Variants in AGBL1 observed in about 807,000 individuals in gnomAD.
The protein encoded by AGBL1 is AGBL carboxypeptidase 1.
A neutral mutation model predicts 118.9 loss-of-function variants in AGBL1; 130 were observed. That is an observed-to-expected ratio of 1.09 (90% CI 0.95 to 1.26). The LOEUF is 1.26. AGBL1 is among the 50% of genes most tolerant of loss of function. The pLI is 0.00. For synonymous variants in AGBL1, 555 were observed against 478.9 expected (o/e 1.16, Z -2.08); for missense variants, 1,584 against 1,298.1 (o/e 1.22, Z -3.38).
At chr15:86,875,431 G>C (rs1316715303) in intron 22 of AGBL1, among the ~76,000 whole-genome samples, 1 of 152,148 alleles carries the variant, frequency 6.6e-6, no homozygotes, top group African/African-American at 2.4e-5. Context: ...CTTTTTACTA[G>C]AAGATTCCAT....
chr15:86,863,973 A>T (rs1210735182), intron 22 of AGBL1, among the ~76,000 whole-genome samples: 1 of 152,216 alleles, frequency 6.6e-6, no homozygotes, highest in Non-Finnish European at 1.5e-5. Flanking sequence ...GGTTTCAACA[A>T]AAGGTAATTG....
At chr15:86,270,737 T>G (rs867019118) in intron 14 of AGBL1, among the ~76,000 whole-genome samples, 30 of 152,328 alleles carry the variant, frequency 2.0e-4, no homozygotes, top group Middle Eastern at 3.4e-3. Flanking sequence ...ATATGAACCT[T>G]GACATTTATA....
chr15:86,450,941 G>C (rs1319965735), intron 18 of AGBL1, among the ~76,000 whole-genome samples: 1 of 151,862 alleles, frequency 6.6e-6, no homozygotes, highest in African/African-American at 2.4e-5. Flanking sequence ...CTATTTATAG[G>C]TTTATGTTGA....
chr15:86,346,067 C>T (rs528452728), intron 17 of AGBL1, among the ~76,000 whole-genome samples: 1 of 151,236 alleles, frequency 6.6e-6, no homozygotes, highest in South Asian at 2.1e-4. Flanking sequence ...ACTGCAACCA[C>T]TGCCTCCTGG....
chr15:86,822,763 A>G (rs1309841613), intron 22 of AGBL1, among the ~76,000 whole-genome samples: 1 of 152,110 alleles, frequency 6.6e-6, no homozygotes, highest in Non-Finnish European at 1.5e-5. Flanking sequence ...GCAAGACAAG[A>G]TAGTGGATTC....
intron 14 of AGBL1, among the ~76,000 whole-genome samples, chr15:86,270,277 T>C (rs945785219): frequency 6.6e-6 from 1 of 152,160 alleles, no homozygotes; most frequent in Admixed American, 6.5e-5. Context: ...TGCCACACAT[T>C]GACATCCACT....
intron 5 of AGBL1, among the ~76,000 whole-genome samples, chr15:86,181,597 TGTG>T (rs1264835055): frequency 1.3e-5 from 2 of 151,958 alleles, no homozygotes; most frequent in East Asian, 3.8e-4. Context: ...TTATCTAGAT[TGTG>T]GTGATGTTTC....
chr15:86,556,399 G>T, intron 21 of AGBL1: 1 of 872,078 alleles, frequency 1.1e-6, no homozygotes, highest in Non-Finnish European at 1.8e-6. Context: ...TGCCAGACCT[G>T]GTTTTGGTTT....
chr15:86,837,272 C>T (rs566926996), intron 22 of AGBL1, among the ~76,000 whole-genome samples: 8 of 150,856 alleles, frequency 5.3e-5, no homozygotes, highest in African/African-American at 1.9e-4. Context: ...ACTAAGCCTT[C>T]CAAGAAACCA....
chr15:86,926,633 C>G (rs1179742830), intron 23 of AGBL1, among the ~76,000 whole-genome samples: 2 of 152,146 alleles, frequency 1.3e-5, no homozygotes, highest in Non-Finnish European at 2.9e-5. Context: ...CTTAACAAGC[C>G]AATTCGATTT....
chr15:86,080,568 C>G (rs148220953), intron 1 of AGBL1, among the ~76,000 whole-genome samples: 41 of 152,318 alleles, frequency 2.7e-4, no homozygotes, highest in African/African-American at 9.4e-4. Context: ...AGGGCAGTAG[C>G]CTGGGAAACT....
At chr15:86,458,544 T>C (rs2082289883) in intron 18 of AGBL1, among the ~76,000 whole-genome samples, 1 of 152,188 alleles carries the variant, frequency 6.6e-6, no homozygotes, top group South Asian at 2.1e-4. Context: ...TTTTAGTGAA[T>C]TGGGAACAAA....
At chr15:86,741,999 G>C (rs867606536) in intron 22 of AGBL1, among the ~76,000 whole-genome samples, 1 of 147,420 alleles carries the variant, frequency 6.8e-6, no homozygotes, top group African/African-American at 2.5e-5. Context: ...TTTAAACTAT[G>C]AGTGGCTTAA....
At chr15:86,515,134 A>T (rs4500688) in intron 18 of AGBL1, among the ~76,000 whole-genome samples, 23,136 of 152,136 alleles carry the variant, frequency 0.15, 2,859 homozygotes, top group African/African-American at 0.34. Context: ...CTGCAATGTT[A>T]TCTGCAAATA....
At chr15:86,506,709 C>T (rs1035329487) in intron 18 of AGBL1, among the ~76,000 whole-genome samples, 5 of 152,040 alleles carry the variant, frequency 3.3e-5, no homozygotes, top group Admixed American at 1.3e-4. Flanking sequence ...ACAACCCCTT[C>T]CTGATAATTG....
intron 17 of AGBL1, among the ~76,000 whole-genome samples, chr15:86,356,045 G>C (rs1049276724): frequency 2.6e-5 from 4 of 152,142 alleles, no homozygotes; most frequent in African/African-American, 9.7e-5. Context: ...TCCTTATGTA[G>C]TCAACAGAGC....
chr15:86,315,856 T>C (rs1485277770), intron 17 of AGBL1, among the ~76,000 whole-genome samples: 3 of 152,118 alleles, frequency 2.0e-5, no homozygotes, highest in Non-Finnish European at 4.4e-5. Flanking sequence ...GTGGCACTGG[T>C]CAAAGGGAAG....
chr15:86,815,236 A>T (rs886223693), intron 22 of AGBL1, among the ~76,000 whole-genome samples: 1 of 152,204 alleles, frequency 6.6e-6, no homozygotes, highest in East Asian at 1.9e-4. Context: ...GTATTAGATG[A>T]TTTAGGAGAT....
rs569122767 is a variant in AGBL1 at position 86,709,970 on chromosome 15, C to A, written c.3158+35534C>A. 2.0e-5 allele frequency among the ~76,000 whole-genome samples: 3 copies of A among 152,174 alleles called. No homozygotes were observed. The East Asian group carries it at 5.8e-4, about 29-fold the overall frequency. On this transcript the variant is annotated intron_variant, in intron 22 of 22. Coordinates refer to ENST00000614907, the MANE Select transcript of AGBL1 (RefSeq NM_001386094.1). ...GTACTCTTTTTATGTTTATTGCTGC[C>A]CCAACTTTTCCCTGCTTCAAAGATG... is the stretch of plus-strand genomic sequence containing the variant.
Sources: allele counts gnomAD v4.1 joint callset (sites outside exome capture counted in the v4.1 genomes callset), GRCh38; gene constraint gnomAD v4.1.1; transcripts MANE v1.5; gene names NCBI Gene and HGNC (gene_info 2026-07-23, HGNC 2026-07-21).